The following ACOX1 variants were observed in gnomAD, a reference collection of about 807,000 sequenced individuals.
ACOX1 encodes acyl-CoA oxidase 1, also known as peroxisomal acyl-coenzyme A oxidase 1.
A neutral mutation model predicts 75.5 loss-of-function variants in ACOX1; 41 were observed. The observed-to-expected ratio is 0.54, with a 90% CI of 0.42 to 0.70. The LOEUF (loss-of-function observed/expected upper bound fraction) is 0.70, where lower values mean the gene tolerates loss of function less well. Ranked by LOEUF, ACOX1 falls within the 30% of genes least tolerant of loss-of-function variation. ACOX1 has a pLI of 0.00. For synonymous variants in ACOX1, 303 were observed against 298.8 expected (o/e 1.01, Z -0.15); for missense variants, 630 against 837.5 (o/e 0.75, Z 3.06).
chr17:75,979,038 G>A lies in ACOX1; in HGVS notation c.36C>T (p.Ala12=), dbSNP rs773632617. 2.5e-6 allele frequency: 4 copies of A among 1,612,458 alleles called. No individual in the cohort carries two copies. The South Asian group carries it at 3.3e-5, about 13-fold the overall frequency. Residue 12 remains alanine (A), a synonymous_variant, in exon 1 of 14, where the codon GCC becomes GCT. Coordinates refer to ENST00000293217, the MANE Select transcript of ACOX1 (RefSeq NM_004035.7). ...GTGTAAGCAGCTCCGGGTTGAAGCT[G>A]GCGGAATCCCGCTCCCTGCGCAGGT... ...NPDLRRERDS[A]SFNPELLTHI... is the part of the protein sequence containing the mutation.
chr17:75,956,965 CTCTCTCTATATATATATA>C (rs1666118257), intron 4 of ACOX1, among the ~76,000 whole-genome samples: 164 of 14,316 alleles, frequency 0.011, 1 homozygote, highest in Middle Eastern at 0.031. Flanking sequence ...CTCTCTCTCT[CTCTCTCTATATATATATA>C]TATATATATA....
rs1567892272 is a variant in ACOX1 at position 75,978,663 on chromosome 17, TG to T, written c.139del (p.Gln47SerfsTer5). 2 of 1,614,178 alleles carry T rather than the reference TG, an allele frequency of 1.2e-6. No individual in the cohort carries two copies. The highest frequency in any genetic ancestry group is 3.3e-5 in the Admixed American group (2 of 60,022). On this transcript the variant is annotated frameshift_variant, in exon 2 of 14. Coordinates refer to ENST00000293217, the MANE Select transcript of ACOX1 (RefSeq NM_004035.7). LOFTEE classifies it high-confidence loss of function. The surrounding 1 kb of genome is among the most constrained non-coding windows in gnomAD (Gnocchi z 4.2). The stretch of plus-strand genomic sequence containing the variant: ...AGTGAGGAAGTTCAAGTCCTCATGC[TG>T]GAAGTCTGGGTCGTTCAGGATCATG... ...ENMILNDPDF[Q>X]HEDLNFLTRS...
chr17:75,967,861 C>T (rs2065953528), intron 2 of ACOX1, among the ~76,000 whole-genome samples: 1 of 150,608 alleles, frequency 6.6e-6, no homozygotes, highest in Non-Finnish European at 1.5e-5. Context: ...CTGCTTCAGC[C>T]TTCCGAGTAG....
chr17:75,965,911 C>G (rs2144288711), intron 2 of ACOX1, among the ~76,000 whole-genome samples: 1 of 152,076 alleles, frequency 6.6e-6, no homozygotes, highest in East Asian at 1.9e-4. Context: ...AGGCAGATCA[C>G]CTGAGGTCAA....
intron 13 of ACOX1, 100 bp downstream of exon 13, chr17:75,948,151 C>A: frequency 8.0e-7 from 1 of 1,253,324 alleles, no homozygotes; most frequent in Non-Finnish European, 1.2e-6. Flanking sequence ...GGCCATGGTA[C>A]TTTCAGAGCT....
intron 2 of ACOX1, among the ~76,000 whole-genome samples, chr17:75,961,308 AAG>A (rs1160565184): frequency 4.0e-5 from 6 of 150,630 alleles, no homozygotes; most frequent in East Asian, 2.0e-4. Context: ...AAAAAAAAAA[AAG>A]AGAGAGAGAA....
chr17:75,954,641 G>T (rs1048793044), intron 6 of ACOX1, among the ~76,000 whole-genome samples: 6 of 125,870 alleles, frequency 4.8e-5, no homozygotes, highest in Non-Finnish European at 9.6e-5. Context: ...GTGTGATCTC[G>T]ACTTACTGCA....
chr17:75,955,434 A>T, intron 6 of ACOX1, 132 bp downstream of exon 6: 2 of 797,722 alleles, frequency 2.5e-6, no homozygotes, highest in Non-Finnish European at 4.3e-6. Context: ...AAGTGCTGGG[A>T]TAACAGGAAT....
rs376148124 is a variant in ACOX1 at position 75,948,396 on chromosome 17, G to A, written c.1790C>T (p.Thr597Ile). 64 of 1,614,038 alleles carry A rather than the reference G, an allele frequency of 4.0e-5. No homozygotes were observed. Among genetic ancestry groups the A allele is most frequent in the African/African-American group, 1.3e-5 (1 of 74,934 alleles). ...QVNQRVKELL[T>I]LIRSDAVALV... ...AGCAACAGCATCTGAGCGAATCAGAGTGAGTAACTCCTTTACACGCTGGTT... is the reference window on the plus strand; with the variant it reads ...AGCAACAGCATCTGAGCGAATCAGAATGAGTAACTCCTTTACACGCTGGTT... Residue 597 changes from threonine to isoleucine, a missense_variant, in exon 13 of 14, where the codon ACT (threonine) becomes ATT (isoleucine). Coordinates refer to ENST00000293217, the MANE Select transcript of ACOX1 (RefSeq NM_004035.7).
intron 13 of ACOX1, among the ~76,000 whole-genome samples, 198 bp from the exon 14 acceptor site, chr17:75,946,993 C>T (rs1326546158): frequency 6.6e-6 from 1 of 151,876 alleles, no homozygotes; most frequent in Non-Finnish European, 1.5e-5. Context: ...CTTAGCCTCC[C>T]GAGTTGCTAG....
Position 75,979,123 on chromosome 17 carries a change from C to T in ACOX1, c.-50G>A. The T allele has an allele frequency of 6.2e-7, 1 of 1,602,814 alleles. No individual in the cohort carries two copies. The highest frequency in any genetic ancestry group is 1.3e-5 in the African/African-American group (1 of 75,006). ...TAAGCACCGACCGAGGTGGCAGTGA[C>T]AATCTAAATCCGCAGCTCCAGCGCC... On this transcript the variant is annotated 5_prime_UTR_variant, in exon 1 of 14. Transcript: ENST00000293217.
In ACOX1 at chr17:75,945,981, T is replaced by TC. The variant is rs1446356743; in HGVS notation, c.*766dup. 2 of 152,226 alleles carry TC rather than the reference T, an allele frequency of 1.3e-5. No homozygotes were observed. The highest frequency in any genetic ancestry group is 1.5e-5 in the Non-Finnish European group (1 of 68,090). 9.4% of individuals were successfully genotyped at this position (152,226 alleles called of 1,614,324 possible). A position where few individuals can be genotyped will look rare whatever the true frequency, so the allele number is the denominator to read the frequency against. On this transcript the variant is annotated 3_prime_UTR_variant, in exon 14 of 14. Coordinates refer to ENST00000293217, the MANE Select transcript of ACOX1 (RefSeq NM_004035.7). ...TGACAGAATATGTGAAATCTGATTGTCCCAGAGTTACACTCTGCACTCCAA... is the reference window on the plus strand; with the variant it reads ...TGACAGAATATGTGAAATCTGATTGTCCCCAGAGTTACACTCTGCACTCCAA...
chr17:75,966,721 A>C (rs1177492847), intron 2 of ACOX1, among the ~76,000 whole-genome samples: 1 of 152,066 alleles, frequency 6.6e-6, no homozygotes, highest in Non-Finnish European at 1.5e-5. Flanking sequence ...AATCGCTTGA[A>C]TCCAGGAGGC....
chr17:75,955,025 G>A (rs1009152404), intron 6 of ACOX1, among the ~76,000 whole-genome samples: 4 of 151,838 alleles, frequency 2.6e-5, no homozygotes, highest in African/African-American at 7.3e-5. Flanking sequence ...GCACCACCAC[G>A]CCCAGCTAAT....
rs986983324 is a variant in ACOX1 at position 75,948,274 on chromosome 17, T to G, written c.1912A>C (p.Asn638His). Residue 638 changes from asparagine to histidine, a missense_variant, in exon 13 of 14, where the codon AAC becomes CAC. By Grantham distance (68) the Asn-to-His change is moderately conservative. Transcript: ENST00000293217. Reference sequence around the variant, plus strand: ...ACCTCTGCTTTGTTCAGTGGGGAGTTCTTAGCCCACTCAAACAAGTTTTCA... The same window carrying G: ...ACCTCTGCTTTGTTCAGTGGGGAGTGCTTAGCCCACTCAAACAAGTTTTCA... Reference protein sequence around the residue: ...VYENLFEWAKNSPLNKAEVHE... With the variant: ...VYENLFEWAKHSPLNKAEVHE... 6.2e-7 allele frequency: 1 copy of G among 1,614,024 alleles called. No individual in the cohort carries two copies. Among genetic ancestry groups the G allele is most frequent in the African/African-American group, 1.3e-5 (1 of 74,920 alleles).
Position 75,979,146 on chromosome 17 carries a change from G to T in ACOX1, c.-73C>A. ...GACAATCTAAATCCGCAGCTCCAGC[G>T]CCGGCCGGACCCTAGGAGGCAGCCT... On this transcript the variant is annotated 5_prime_UTR_variant, in exon 1 of 14. Transcript: ENST00000293217. 6.3e-7 allele frequency: 1 copy of T among 1,576,266 alleles called. No homozygotes were observed. The highest frequency in any genetic ancestry group is 8.6e-7 in the Non-Finnish European group (1 of 1,166,356).
At chr17:75,963,874 A>G (rs563546547) in intron 2 of ACOX1, among the ~76,000 whole-genome samples, 45 of 149,976 alleles carry the variant, frequency 3.0e-4, no homozygotes, top group Non-Finnish European at 5.5e-4. Context: ...ATGACTCTAC[A>G]ATCATTTCAA....
At chr17:75,966,476 A>C (rs1273447421) in intron 2 of ACOX1, among the ~76,000 whole-genome samples, 1 of 150,874 alleles carries the variant, frequency 6.6e-6, no homozygotes. Context: ...TAAAAAATTA[A>C]AATAAAAAAA....
Position 75,948,136 on chromosome 17 carries a change from G to T in ACOX1, c.1935+115C>A. 5 of 1,023,884 alleles carry T rather than the reference G, an allele frequency of 4.9e-6. No homozygotes were observed. In the South Asian group the frequency reaches 6.7e-5, roughly 14 times the overall value. 63.4% of individuals were successfully genotyped at this position (1,023,884 alleles called of 1,614,324 possible). On this transcript the variant is annotated intron_variant, in intron 13 of 13. Coordinates refer to ENST00000293217, the MANE Select transcript of ACOX1 (RefSeq NM_004035.7). ...TGTTGCTCAAATAAAGTGACTGTCA[G>T]AAGTGGCCATGGTACTTTCAGAGCT...
Sources: gnomAD v4.1 joint callset for allele counts (sites outside exome capture counted in the v4.1 genomes callset) on GRCh38, gnomAD v4.1.1 for gene constraint, Gnocchi (gnomAD v3.1) non-coding constraint, MANE v1.5 for transcripts, NCBI Gene and HGNC (gene_info 2026-07-23, HGNC 2026-07-21) for gene names.